The following SCNN1D variants were observed in gnomAD, a reference collection of about 807,000 sequenced individuals.
SCNN1D encodes epithelial sodium channel subunit delta.
In SCNN1D, 104 loss-of-function variants were observed where a neutral mutation model predicts 87.8. The observed-to-expected ratio is 1.18, with a 90% CI of 1.01 to 1.39. The LOEUF is 1.39. SCNN1D is among the 40% of genes most tolerant of loss of function. The pLI is 0.00. For synonymous variants in SCNN1D, 628 were observed against 481.2 expected, an observed-to-expected ratio of 1.31 and a Z score of -3.99; for missense variants, 1,324 against 1,093.9, an observed-to-expected ratio of 1.21 and a Z score of -2.97.
intron 4 of SCNN1D, among the ~76,000 whole-genome samples, chr1:1,283,170 G>C (rs1209778423): frequency 6.6e-6 from 1 of 152,160 alleles, no homozygotes; most frequent in Non-Finnish European, 1.5e-5. Flanking sequence ...CAGCTATAGT[G>C]TCCAGCAGGG....
intron 5 of SCNN1D, among the ~76,000 whole-genome samples, chr1:1,284,327 G>T (rs1479142733): frequency 1.3e-4 from 15 of 117,462 alleles, no homozygotes; most frequent in Non-Finnish European, 2.7e-4. Context: ...GGGGTGGGGG[G>T]GTGGGGCTGG....
rs770360848 is a variant in SCNN1D, at chr1:1,291,730, G to A, written c.*120G>A. 1.2e-4 allele frequency: 84 copies of A among 695,868 alleles called. No individual in the cohort carries two copies. The Middle Eastern group carries it at 2.0e-3, about 17-fold the overall frequency. 43.1% of individuals were successfully genotyped at this position (695,868 alleles called of 1,614,324 possible). On this transcript the variant is annotated 3_prime_UTR_variant, in exon 18 of 18. Transcript: ENST00000379116. ...AGCCCAGGAAGCAGCACACGCGGCC[G>A]TGGGGAGGCAGGCACCGGGCATGTC... is the stretch of plus-strand genomic sequence containing the variant.
At position 1,286,910 on chromosome 1, in the gene SCNN1D, G is replaced by A. The variant is rs773148167; in HGVS notation, c.1054G>A (p.Asp352Asn). The A allele has an allele frequency of 2.5e-6, 4 of 1,612,274 alleles. No individual in the cohort carries two copies. The highest frequency in any genetic ancestry group is 4.5e-5 in the East Asian group (2 of 44,784). Residue 352 changes from aspartate to asparagine, a missense_variant, in exon 8 of 18, where the codon GAC becomes AAC. Physicochemically the swap from Asp to Asn is conservative, Grantham distance 23. Transcript: ENST00000379116. ...CCGCCACGAGCCCCCCTTCCACCTG[G>A]ACCGGGAGATCCGTCTGCAGAGGCT... ...VPRHEPPFHL[D>N]REIRLQRLSH...
intron 5 of SCNN1D, 32 bp from the exon 6 acceptor site, chr1:1,285,539 A>G (rs765342319): frequency 3.5e-6 from 5 of 1,408,924 alleles, no homozygotes; most frequent in Middle Eastern, 4.2e-4. Flanking sequence ...CGCGGGGCGC[A>G]TGGACACGCT....
Position 1,290,352 on chromosome 1 carries a change from G to T in SCNN1D, c.1744G>T (p.Ala582Ser), listed in dbSNP as rs772963043. 2 of 1,597,596 alleles carry T rather than the reference G, an allele frequency of 1.3e-6. No individual in the cohort carries two copies. Among genetic ancestry groups the T allele is most frequent in the Admixed American group, 1.7e-5 (1 of 59,256 alleles). ...GYYLHPLPAG[A>S]EYCSSARHPA... ...CTACCTCCACCCTCTGCCGGCGGGGGCTGAGTACTGCAGCTCTGCCCGGCA... is the reference window on the plus strand; with the variant it reads ...CTACCTCCACCCTCTGCCGGCGGGGTCTGAGTACTGCAGCTCTGCCCGGCA... The change falls in exon 13 of 18, where the codon GCT becomes TCT. Residue 582 changes from alanine to serine, a missense_variant. Coordinates refer to ENST00000379116, the MANE Select transcript of SCNN1D (RefSeq NM_001130413.4).
intron 4 of SCNN1D, 36 bp from the exon 5 acceptor site, chr1:1,283,942 G>A: frequency 1.5e-6 from 2 of 1,300,638 alleles, no homozygotes; most frequent in Non-Finnish European, 2.1e-6. Flanking sequence ...CTCGCCTGCA[G>A]CACAGTCCCA....
chr1:1,288,746 T>C (rs868069426), intron 12 of SCNN1D, among the ~76,000 whole-genome samples: 2 of 5,868 alleles, frequency 3.4e-4, no homozygotes, highest in Non-Finnish European at 5.1e-4. Context: ...GTCCCGTGTC[T>C]CTGCTCCGTC....
At chr1:1,282,633 T>C (rs1640494202) in intron 4 of SCNN1D, among the ~76,000 whole-genome samples, 1 of 152,136 alleles carries the variant, frequency 6.6e-6, no homozygotes, top group African/African-American at 2.4e-5. Context: ...CATGTGGTCT[T>C]AGCATGTGTG....
In SCNN1D at chr1:1,291,372, T is replaced by G; in HGVS notation, c.2171T>G (p.Leu724Arg). 7 of 1,608,874 alleles carry G rather than the reference T, an allele frequency of 4.4e-6. No individual in the cohort carries two copies. The highest frequency in any genetic ancestry group is 5.9e-6 in the Non-Finnish European group (7 of 1,178,714). Residue 724 changes from leucine to arginine, a missense_variant, in exon 18 of 18, where the codon CTA (leucine) becomes CGA (arginine). Coordinates refer to ENST00000379116, the MANE Select transcript of SCNN1D (RefSeq NM_001130413.4). ...LLDASALTLV[L>R]GGRRLRRAWF... ...GATGCTTCTGCCCTCACCCTGGTGC[T>G]AGGCGGCCGCCGGCTCCGCAGGGCG...
At position 1,291,959 on chromosome 1, in the gene SCNN1D, G is replaced by C. The variant is rs1640835417; in HGVS notation, c.*349G>C. On this transcript the variant is annotated 3_prime_UTR_variant, in exon 18 of 18. Coordinates refer to ENST00000379116, the MANE Select transcript of SCNN1D (RefSeq NM_001130413.4). ...CAAGCCTAGCCACCTCAGCTGCAGGGAGGCAGAAGGCAAGGCAGGCCCCAC... is the reference window on the plus strand; with the variant it reads ...CAAGCCTAGCCACCTCAGCTGCAGGCAGGCAGAAGGCAAGGCAGGCCCCAC... The C allele has an allele frequency of 4.8e-6, 1 of 206,622 alleles. No individual in the cohort carries two copies. Among genetic ancestry groups the C allele is most frequent in the Non-Finnish European group, 9.7e-6 (1 of 102,726 alleles). 12.8% of individuals were successfully genotyped at this position (206,622 alleles called of 1,614,324 possible).
chr1:1,291,655 AGCTGTGGCAG>A lies in SCNN1D; in HGVS notation c.*46_*55del, dbSNP rs1430787700. 7.2e-7 allele frequency: 1 copy of A among 1,395,882 alleles called. No homozygotes were observed. Among genetic ancestry groups the A allele is most frequent in the Non-Finnish European group, 9.6e-7 (1 of 1,042,048 alleles). 86.5% of individuals were successfully genotyped at this position (1,395,882 alleles called of 1,614,324 possible). A position where few individuals can be genotyped will look rare whatever the true frequency, so the allele number is the denominator to read the frequency against. On this transcript the variant is annotated 3_prime_UTR_variant, in exon 18 of 18. Coordinates refer to ENST00000379116, the MANE Select transcript of SCNN1D (RefSeq NM_001130413.4). ...TGCGATCTCTTGGCCTGGTCCTTGC[AGCTGTGGCAG>A]CAGCAGGCTCCCCAGCGGCCCAGGG...
intron 12 of SCNN1D, among the ~76,000 whole-genome samples, chr1:1,288,256 C>T (rs1341877877): frequency 2.6e-5 from 3 of 116,878 alleles, no homozygotes; most frequent in African/African-American, 1.1e-4. Context: ...TCTGCTCCGT[C>T]CCGTGTCTCT....
rs778320313 is a variant in SCNN1D, at chr1:1,285,946, C to G, written c.579C>G (p.Pro193=). 1 of 1,552,868 alleles carries G rather than the reference C, an allele frequency of 6.4e-7. No homozygotes were observed. The highest frequency in any genetic ancestry group is 1.2e-5 in the South Asian group (1 of 84,776). ...CACAGGCTGCAGCCCAGACGCCCCC[C>G]AGGCCGGGGCCACCATCAGCACCAC... is the stretch of plus-strand genomic sequence containing the variant. ...KQGQAAAQTP[P]RPGPPSAPPP... The change falls in exon 7 of 18, where the codon CCC becomes CCG. Residue 193 remains proline (P), a synonymous_variant. Transcript: ENST00000379116.
In SCNN1D at chr1:1,286,254, C is replaced by T; in HGVS notation, c.887C>T (p.Thr296Ile). ...GAGCGCAAGCTGCTCCCGCTGGTCACCCTGTGTGACGGGAACCCACGTCGG... is the reference window on the plus strand; with the variant it reads ...GAGCGCAAGCTGCTCCCGCTGGTCATCCTGTGTGACGGGAACCCACGTCGG... ...HSERKLLPLV[T>I]LCDGNPRRPS... The change falls in exon 7 of 18, where the codon ACC (threonine) becomes ATC (isoleucine). Residue 296 changes from threonine (T) to isoleucine (I), a missense_variant. Coordinates refer to ENST00000379116, the MANE Select transcript of SCNN1D (RefSeq NM_001130413.4). The T allele has an allele frequency of 3.8e-6, 6 of 1,588,152 alleles. No individual in the cohort carries two copies. Among genetic ancestry groups the T allele is most frequent in the Non-Finnish European group, 3.4e-6 (4 of 1,172,042 alleles).
intron 3 of SCNN1D, 45 bp from the exon 4 acceptor site, chr1:1,282,197 C>T (rs1640483277): frequency 8.8e-7 from 1 of 1,130,934 alleles, no homozygotes; most frequent in Non-Finnish European, 1.3e-6. Context: ...GGTTGAGTAA[C>T]TCGGGAAGGC....
rs750030580 is a variant in SCNN1D, at chr1:1,290,524, C to T, written c.1828C>T (p.Pro610Ser). The change falls in exon 14 of 18, where the codon CCC becomes TCC. Residue 610 changes from proline to serine, a missense_variant. Transcript: ENST00000379116. ...CCAGGACCTGGAGACCCACCGGCTC[C>T]CCTGTACCTCCCGCTGCCCCAGGCC... ...LYQDLETHRL[P>S]CTSRCPRPCR... The T allele has an allele frequency of 1.2e-6, 2 of 1,612,728 alleles. No individual in the cohort carries two copies. The highest frequency in any genetic ancestry group is 8.5e-7 in the Non-Finnish European group (1 of 1,179,934).
chr1:1,287,842 C>T lies in SCNN1D; in HGVS notation c.1563+6C>T. The stretch of plus-strand genomic sequence containing the variant: ...CCACCATCAGCATCCGAGAGGTGAG[C>T]TGGCCTCTGCAGCCAACCTCCGGCC... On this transcript the variant is annotated splice_donor_region_variant and intron_variant, in intron 11 of 17. Transcript: ENST00000379116. 6.5e-7 allele frequency: 1 copy of T among 1,532,882 alleles called. No individual in the cohort carries two copies. The highest frequency in any genetic ancestry group is 8.8e-7 in the Non-Finnish European group (1 of 1,134,630). The allele number at this position is 1,532,882 out of a possible 1,614,324, so 95.0% of individuals were successfully genotyped here. A position where few individuals can be genotyped will look rare whatever the true frequency, so the allele number is the denominator to read the frequency against.
intron 5 of SCNN1D, among the ~76,000 whole-genome samples, chr1:1,284,602 C>T (rs1436780844): frequency 1.3e-5 from 2 of 148,336 alleles, no homozygotes; most frequent in South Asian, 4.3e-4. Flanking sequence ...TGCTGGACCA[C>T]GGGGGGTGCC....
chr1:1,286,681 C>G, intron 7 of SCNN1D, 87 bp from the exon 8 acceptor site: 2 of 1,293,776 alleles, frequency 1.5e-6, no homozygotes, highest in Non-Finnish European at 1.1e-6. Context: ...AGGGGAGGCA[C>G]TGCTGTCCCG....
Sources: allele counts gnomAD v4.1 joint callset (sites outside exome capture counted in the v4.1 genomes callset), GRCh38; gene constraint gnomAD v4.1.1; transcripts MANE v1.5; gene names NCBI Gene and HGNC (gene_info 2026-07-23, HGNC 2026-07-21).